The following GRID1 variants were observed in gnomAD, a reference collection of about 807,000 sequenced individuals.
The protein encoded by GRID1 is glutamate receptor ionotropic, delta-1.
A neutral mutation model predicts 98.0 loss-of-function variants in GRID1; 28 were observed. The observed-to-expected ratio is 0.29, with a 90% CI of 0.21 to 0.39. The LOEUF is 0.39. Among genes scored for constraint, GRID1 ranks in the 10% least tolerant of loss-of-function variants. The pLI is 1.00. For missense variants in GRID1, 1,111 were observed against 1,340.5 expected (o/e 0.83, Z 2.67); for synonymous variants, 553 against 538.5 (o/e 1.03, Z -0.37).
intron 2 of GRID1, among the ~76,000 whole-genome samples, chr10:86,235,561 C>A (rs945185047): frequency 6.6e-6 from 1 of 152,254 alleles, no homozygotes; most frequent in African/African-American, 2.4e-5. Flanking sequence ...GCTTCCACCC[C>A]CAGCTACAGC....
chr10:85,856,022 C>T lies in GRID1; in HGVS notation c.1113+7G>A. On this transcript the variant is annotated splice_region_variant and intron_variant, in intron 7 of 15. Coordinates refer to ENST00000327946, the MANE Select transcript of GRID1 (RefSeq NM_017551.3). The stretch of plus-strand genomic sequence containing the variant: ...TGGCCAGGTTGGGGGTGCCCCCTCA[C>T]ACGTACCTTTTTGATGGTATCCAGC... The T allele has an allele frequency of 6.2e-7, 1 of 1,612,992 alleles. No homozygotes were observed.
intron 4 of GRID1, among the ~76,000 whole-genome samples, chr10:86,089,327 C>A (rs537215023): frequency 6.6e-6 from 1 of 152,190 alleles, no homozygotes; most frequent in East Asian, 1.9e-4. Context: ...AGCAGCAACA[C>A]AGAACCTCCA....
At chr10:85,902,666 C>T (rs971331227) in intron 5 of GRID1, among the ~76,000 whole-genome samples, 4 of 152,104 alleles carry the variant, frequency 2.6e-5, no homozygotes, top group Admixed American at 6.5e-5. Flanking sequence ...TTCTTAAATT[C>T]GAAGTCACTC....
At chr10:85,639,246 AAAG>A (rs907514571) in intron 13 of GRID1, among the ~76,000 whole-genome samples, 8 of 152,240 alleles carry the variant, frequency 5.3e-5, no homozygotes, top group African/African-American at 1.9e-4. Flanking sequence ...ACACACAAAA[AAAG>A]AAGTACTGAT....
intron 2 of GRID1, among the ~76,000 whole-genome samples, chr10:86,259,434 G>C (rs1846978522): frequency 6.6e-6 from 1 of 152,154 alleles, no homozygotes; most frequent in African/African-American, 2.4e-5. Flanking sequence ...ACAGAAAGTT[G>C]AATGTCTCTG....
At chr10:86,153,682 G>A (rs1845202171) in intron 3 of GRID1, among the ~76,000 whole-genome samples, 1 of 152,106 alleles carries the variant, frequency 6.6e-6, no homozygotes, top group African/African-American at 2.4e-5. Flanking sequence ...GCCATGCTAG[G>A]AGCAACACAG....
chr10:85,977,822 A>C (rs764889945), intron 4 of GRID1, among the ~76,000 whole-genome samples: 2 of 152,156 alleles, frequency 1.3e-5, no homozygotes, highest in Non-Finnish European at 2.9e-5. Flanking sequence ...ATGAAATCCT[A>C]AGCTGCTGTT....
chr10:85,781,793 T>C (rs181167256), intron 8 of GRID1, among the ~76,000 whole-genome samples: 4 of 149,300 alleles, frequency 2.7e-5, no homozygotes, highest in African/African-American at 1.0e-4. Context: ...AAGAGAGATA[T>C]ATTGTACATT....
intron 2 of GRID1, among the ~76,000 whole-genome samples, chr10:86,334,745 G>A (rs1272946554): frequency 6.6e-6 from 1 of 152,214 alleles, no homozygotes; most frequent in Non-Finnish European, 1.5e-5. Flanking sequence ...TGTTCCAGAG[G>A]AGGAAACCGA....
chr10:85,621,542 T>C (rs1478127131), intron 13 of GRID1, among the ~76,000 whole-genome samples: 2 of 152,130 alleles, frequency 1.3e-5, no homozygotes, highest in African/African-American at 2.4e-5. Flanking sequence ...GTGGGCAGAG[T>C]GTGACCTCCT....
At chr10:85,954,320 A>G (rs370343446) in intron 4 of GRID1, among the ~76,000 whole-genome samples, 3 of 152,206 alleles carry the variant, frequency 2.0e-5, no homozygotes, top group East Asian at 1.9e-4. Context: ...ATGACTTCCA[A>G]TTATTGTATC....
intron 5 of GRID1, among the ~76,000 whole-genome samples, chr10:85,875,651 G>T: frequency 6.6e-6 from 1 of 151,418 alleles, no homozygotes; most frequent in Non-Finnish European, 1.5e-5. Flanking sequence ...TCTTTTATTG[G>T]TTATGCTAGA....
intron 8 of GRID1, among the ~76,000 whole-genome samples, chr10:85,751,254 T>C (rs1590216509): frequency 6.6e-6 from 1 of 152,196 alleles, no homozygotes; most frequent in East Asian, 1.9e-4. Context: ...GGTAGTGTTA[T>C]TATAAATGAC....
chr10:85,622,746 C>T (rs1047274400), intron 13 of GRID1, among the ~76,000 whole-genome samples: 3 of 152,188 alleles, frequency 2.0e-5, no homozygotes, highest in Admixed American at 1.3e-4. Flanking sequence ...GGCAGAAAAT[C>T]TAATGCCAGG....
chr10:85,784,353 C>A (rs1842406852), intron 8 of GRID1, among the ~76,000 whole-genome samples: 1 of 152,180 alleles, frequency 6.6e-6, no homozygotes. Flanking sequence ...GTCCAGGAGG[C>A]TAATGGGTAG....
Position 85,613,572 on chromosome 10 carries a change from G to T in GRID1, c.2436C>A (p.Asp812Glu), listed in dbSNP as rs1181922518. ...CCTGGGCGCTGGCATGGCTGGTGAG[G>T]TCACAGCGGCCCATGTGCGGCCACC... ...QKWWPHMGRC[D>E]LTSHASAQAD... is the part of the protein sequence containing the mutation. The change falls in exon 15 of 16, where the codon GAC becomes GAA. Residue 812 changes from aspartate to glutamate, a missense_variant. Coordinates refer to ENST00000327946, the MANE Select transcript of GRID1 (RefSeq NM_017551.3). The T allele has an allele frequency of 8.1e-6, 13 of 1,614,136 alleles. No individual in the cohort carries two copies. Among genetic ancestry groups the T allele is most frequent in the Non-Finnish European group, 1.1e-5 (13 of 1,180,028 alleles).
intron 4 of GRID1, among the ~76,000 whole-genome samples, chr10:86,107,806 G>A (rs182753457): frequency 2.0e-3 from 310 of 152,228 alleles, no homozygotes; most frequent in African/African-American, 6.8e-3. Flanking sequence ...GCAGAACAAC[G>A]CAGAATTTGG....
chr10:85,606,157 T>G (rs997037434), intron 15 of GRID1: 3 of 151,346 alleles, frequency 2.0e-5, no homozygotes, highest in African/African-American at 7.3e-5. Context: ...TTTACTCACA[T>G]TTTTTTTTGC....
chr10:86,102,059 G>A (rs1844304397), intron 4 of GRID1, among the ~76,000 whole-genome samples: 2 of 152,206 alleles, frequency 1.3e-5, no homozygotes, highest in African/African-American at 4.8e-5. Flanking sequence ...TGGAACAAAA[G>A]GCATAAGTGG....
Sources: allele counts gnomAD v4.1 joint callset (sites outside exome capture counted in the v4.1 genomes callset), GRCh38; gene constraint gnomAD v4.1.1; transcripts MANE v1.5; gene names NCBI Gene and HGNC (gene_info 2026-07-23, HGNC 2026-07-21).